BRINP3: variants seen among roughly 807,000 people sequenced by gnomAD.
BRINP3 encodes the protein BMP/retinoic acid-inducible neural-specific protein 3.
BRINP3 carries 19 observed loss-of-function variants against 71.0 expected under a neutral mutation model. That is an observed-to-expected ratio of 0.27 (90% confidence interval 0.19 to 0.39). The LOEUF (loss-of-function observed/expected upper bound fraction) is 0.39, where lower values mean the gene tolerates loss of function less well. Among genes scored for constraint, BRINP3 ranks in the 10% least tolerant of loss-of-function variants. The pLI, the probability that BRINP3 is intolerant of heterozygous loss-of-function variation, is 1.00. For synonymous variants in BRINP3, 380 were observed against 337.7 expected (o/e 1.13, Z -1.37); for missense variants, 959 against 940.8 (o/e 1.02, Z -0.25).
At chr1:190,103,467 C>T (rs1651871729) in intron 7 of BRINP3, among the ~76,000 whole-genome samples, 1 of 151,960 alleles carries the variant, frequency 6.6e-6, no homozygotes, top group South Asian at 2.1e-4. Context: ...ATTGGTGAAC[C>T]AAGTTCCTGG....
intron 7 of BRINP3, among the ~76,000 whole-genome samples, chr1:190,142,941 G>A (rs561111103): frequency 1.3e-5 from 2 of 152,084 alleles, no homozygotes; most frequent in South Asian, 4.1e-4. Flanking sequence ...GCCGTAAGTA[G>A]TTTTTATTTT....
At chr1:190,164,481 T>C (rs866258352) in intron 6 of BRINP3, among the ~76,000 whole-genome samples, 33 of 152,266 alleles carry the variant, frequency 2.2e-4, no homozygotes, top group Middle Eastern at 3.4e-3. Context: ...ATTATTGTGC[T>C]AATTATATTA....
intron 2 of BRINP3, among the ~76,000 whole-genome samples, chr1:190,423,331 C>T (rs1224419967): frequency 1.3e-5 from 2 of 151,702 alleles, no homozygotes; most frequent in Non-Finnish European, 2.9e-5. Context: ...AATCACCACA[C>T]ATTTTAGTAT....
chr1:190,315,059 G>C (rs998144626), intron 2 of BRINP3, among the ~76,000 whole-genome samples: 5 of 152,058 alleles, frequency 3.3e-5, no homozygotes, highest in African/African-American at 1.2e-4. Flanking sequence ...TATAAACTCA[G>C]ATTGAAGGGA....
At position 190,286,829 on chromosome 1, in the gene BRINP3, T is replaced by A. The variant is rs567826862; in HGVS notation, c.237-5079A>T. ...ATAACGATAACATTCTAATTACATCTGTAAAATCATATGGATCTTAAGAAA... is the reference window on the plus strand; with the variant it reads ...ATAACGATAACATTCTAATTACATCAGTAAAATCATATGGATCTTAAGAAA... On this transcript the variant is annotated intron_variant, in intron 2 of 7. Transcript: ENST00000367462. 2.0e-5 allele frequency among the ~76,000 whole-genome samples: 3 copies of A among 152,238 alleles called. No individual in the cohort carries two copies. In the East Asian group the frequency reaches 5.8e-4, roughly 29 times the overall value.
chr1:190,236,986 C>G (rs1658585850), intron 4 of BRINP3, among the ~76,000 whole-genome samples: 1 of 151,950 alleles, frequency 6.6e-6, no homozygotes, highest in Non-Finnish European at 1.5e-5. Flanking sequence ...GTAAACTCCT[C>G]TAACACTTCA....
At chr1:190,418,826 T>C (rs1168395532) in intron 2 of BRINP3, among the ~76,000 whole-genome samples, 2 of 152,138 alleles carry the variant, frequency 1.3e-5, no homozygotes, top group African/African-American at 4.8e-5. Flanking sequence ...AGCTATAATT[T>C]AAAAAAGAAA....
intron 7 of BRINP3, among the ~76,000 whole-genome samples, chr1:190,157,954 C>T (rs984741870): frequency 6.6e-6 from 1 of 151,966 alleles, no homozygotes; most frequent in African/African-American, 2.4e-5. Flanking sequence ...AAAATCACGT[C>T]CTTTGCAGTA....
At chr1:190,200,719 A>G (rs815329) in intron 6 of BRINP3, among the ~76,000 whole-genome samples, 91,082 of 151,754 alleles carry the variant, frequency 0.6, 28,295 homozygotes, top group African/African-American at 0.78. Context: ...CATGGGGCAG[A>G]TCTTTCCCAT....
At chr1:190,447,584 GTC>G (rs1160894930) in intron 2 of BRINP3, among the ~76,000 whole-genome samples, 1 of 146,818 alleles carries the variant, frequency 6.8e-6, no homozygotes, top group Non-Finnish European at 1.5e-5. Flanking sequence ...ACGTTTTGCA[GTC>G]TCTCTTTCTC....
intron 3 of BRINP3, among the ~76,000 whole-genome samples, chr1:190,266,192 C>A (rs1010572695): frequency 6.6e-6 from 1 of 152,104 alleles, no homozygotes; most frequent in African/African-American, 2.4e-5. Context: ...GTATTGTGCC[C>A]ATTTATAAAC....
chr1:190,444,906 A>G (rs1675107702), intron 2 of BRINP3, among the ~76,000 whole-genome samples: 1 of 152,202 alleles, frequency 6.6e-6, no homozygotes, highest in East Asian at 1.9e-4. Context: ...GGAATATTTA[A>G]TAAGATACGT....
intron 2 of BRINP3, among the ~76,000 whole-genome samples, chr1:190,390,960 A>G (rs1047013370): frequency 6.6e-6 from 1 of 151,758 alleles, no homozygotes; most frequent in East Asian, 1.9e-4. Context: ...AATAAATGTA[A>G]TCCTTTAGAG....
chr1:190,371,161 G>A (rs1369329223), intron 2 of BRINP3, among the ~76,000 whole-genome samples: 2 of 152,052 alleles, frequency 1.3e-5, no homozygotes, highest in Non-Finnish European at 2.9e-5. Flanking sequence ...CCTTTGCTGT[G>A]CAAAAACATT....
chr1:190,155,496 A>G (rs957204007), intron 7 of BRINP3, among the ~76,000 whole-genome samples: 1 of 152,096 alleles, frequency 6.6e-6, no homozygotes, highest in Non-Finnish European at 1.5e-5. Context: ...CCAACACTTC[A>G]TTAAATGTAG....
At chr1:190,281,844 T>A (rs1388388036) in intron 2 of BRINP3, 94 bp from the exon 3 acceptor site, 1 of 1,137,990 alleles carries the variant, frequency 8.8e-7, no homozygotes, top group Non-Finnish European at 1.2e-6. Context: ...TACATTACAA[T>A]GTCTCTTGCT....
intron 6 of BRINP3, among the ~76,000 whole-genome samples, chr1:190,173,307 G>A (rs1429985525): frequency 2.6e-5 from 4 of 152,140 alleles, no homozygotes; most frequent in Admixed American, 6.6e-5. Flanking sequence ...GAATCTGTAC[G>A]TGGGGGAAGG....
At chr1:190,120,590 G>A (rs963107879) in intron 7 of BRINP3, among the ~76,000 whole-genome samples, 8 of 151,930 alleles carry the variant, frequency 5.3e-5, no homozygotes, top group African/African-American at 1.7e-4. Flanking sequence ...CCGCCTCCCG[G>A]GTTCAAGCAA....
chr1:190,470,924 G>T (rs549164408), intron 1 of BRINP3, among the ~76,000 whole-genome samples: 16 of 151,170 alleles, frequency 1.1e-4, no homozygotes, highest in Admixed American at 5.3e-4. Flanking sequence ...TAGTTATTTT[G>T]AGTATGAAAT....
Sources: gnomAD v4.1 joint callset for allele counts (sites outside exome capture counted in the v4.1 genomes callset) on GRCh38, gnomAD v4.1.1 for gene constraint, MANE v1.5 for transcripts, NCBI Gene and HGNC (gene_info 2026-07-23, HGNC 2026-07-21) for gene names.